The following CLECL1 variants were observed in gnomAD, a reference collection of about 807,000 sequenced individuals.
CLECL1 encodes the protein C-type lectin-like domain family 1.
intron 1 of CLECL1, among the ~76,000 whole-genome samples, chr12:9,729,867 A>C (rs1866425740): frequency 6.6e-6 from 1 of 152,040 alleles, no homozygotes; most frequent in African/African-American, 2.4e-5. Context: ...TGGTTTGAAT[A>C]AATATGAATT....
intron 1 of CLECL1, among the ~76,000 whole-genome samples, chr12:9,730,837 G>A (rs1182945492): frequency 6.6e-6 from 1 of 151,948 alleles, no homozygotes; most frequent in Non-Finnish European, 1.5e-5. Context: ...ATACAGGCAC[G>A]TGTCACCATG....
At chr12:9,727,503 A>G (rs1866393933) in intron 3 of CLECL1, among the ~76,000 whole-genome samples, 2 of 151,764 alleles carry the variant, frequency 1.3e-5, no homozygotes, top group African/African-American at 4.8e-5. Flanking sequence ...ATCGTCAAAG[A>G]AAATCAAGGC....
At chr12:9,729,418 C>A (rs1866418836) in intron 2 of CLECL1, among the ~76,000 whole-genome samples, 1 of 152,036 alleles carries the variant, frequency 6.6e-6, no homozygotes, top group Admixed American at 6.6e-5. Context: ...TATATTTTAT[C>A]ACATGGTGAA....
upstream of CLECL1, among the ~76,000 whole-genome samples, chr12:9,733,605 A>G (rs1866481423): frequency 6.6e-6 from 1 of 152,192 alleles, no homozygotes; most frequent in African/African-American, 2.4e-5. Context: ...TATAATATTA[A>G]CATTAAACTG....
chr12:9,712,643 A>G (rs1213029236), downstream of CLECL1, among the ~76,000 whole-genome samples: 1 of 152,230 alleles, frequency 6.6e-6, no homozygotes, highest in African/African-American at 2.4e-5. Flanking sequence ...GGGAGAAAGC[A>G]TTCAAATCTT....
upstream of CLECL1, chr12:9,733,080 G>A: frequency 1.2e-6 from 2 of 1,612,498 alleles, no homozygotes; most frequent in Non-Finnish European, 1.7e-6. Context: ...CCCACTGAAG[G>A]GACAATCATA....
chr12:9,721,973 T>C (rs926876915), downstream of CLECL1, among the ~76,000 whole-genome samples: 2 of 152,224 alleles, frequency 1.3e-5, no homozygotes, highest in Admixed American at 6.5e-5. Flanking sequence ...GCTGCCCTTT[T>C]CTAAGTTCTT....
chr12:9,733,009 C>T (rs1444256996), exon 1 of CLECL1: 3 of 1,614,126 alleles, frequency 1.9e-6, no homozygotes, highest in East Asian at 2.2e-5. Context: ...TTGATGTCAG[C>T]GTAGACTACA....
chr12:9,729,642 T>G (rs1242896116), exon 2 of CLECL1, among the ~76,000 whole-genome samples: 1 of 152,130 alleles, frequency 6.6e-6, no homozygotes, highest in Non-Finnish European at 1.5e-5. Context: ...TTATTGCACA[T>G]CCAACGTTAA....
chr12:9,703,308 A>T, the CLECL1 span, among the ~76,000 whole-genome samples: 1 of 152,170 alleles, frequency 6.6e-6, no homozygotes, highest in Admixed American at 6.5e-5. Context: ...ATACTACTGG[A>T]GGATATTTGT....
chr12:9,727,965 A>C (rs1424582163), intron 2 of CLECL1, among the ~76,000 whole-genome samples: 1 of 151,846 alleles, frequency 6.6e-6, no homozygotes, highest in African/African-American at 2.4e-5. Context: ...TAAGGACAAA[A>C]TGTCCAGCTC....
the CLECL1 span, among the ~76,000 whole-genome samples, chr12:9,706,524 G>C: frequency 2.0e-5 from 3 of 152,150 alleles, no homozygotes; most frequent in Admixed American, 2.0e-4. Context: ...TTTGATGCCT[G>C]TTCCTTAAAC....
chr12:9,730,068 T>C (rs1866428294), intron 1 of CLECL1, among the ~76,000 whole-genome samples: 1 of 152,200 alleles, frequency 6.6e-6, no homozygotes, highest in African/African-American at 2.4e-5. Context: ...TCCTGTGATA[T>C]AGCATTGTAA....
At chr12:9,703,192 A>T in the CLECL1 span, among the ~76,000 whole-genome samples, 1 of 152,202 alleles carries the variant, frequency 6.6e-6, no homozygotes, top group African/African-American at 2.4e-5. Flanking sequence ...GAGTAAAGTT[A>T]TTGTTCCTTT....
At chr12:9,715,371 G>A (rs750421482), downstream of CLECL1, among the ~76,000 whole-genome samples, 2 of 152,244 alleles carry the variant, frequency 1.3e-5, no homozygotes, top group Admixed American at 6.5e-5. Context: ...CTTAGAGAAC[G>A]ACTAGTTCTT....
At chr12:9,719,593 T>G (rs2121043425), downstream of CLECL1, among the ~76,000 whole-genome samples, 1 of 151,952 alleles carries the variant, frequency 6.6e-6, no homozygotes, top group Middle Eastern at 3.4e-3. Context: ...CATCTCTAAA[T>G]AAATAAATAA....
At chr12:9,715,356 C>T (rs538678822), downstream of CLECL1, among the ~76,000 whole-genome samples, 26 of 152,254 alleles carry the variant, frequency 1.7e-4, no homozygotes, top group Non-Finnish European at 3.1e-4. Flanking sequence ...ACTTTACTTG[C>T]GTCACTTAGA....
intron 3 of CLECL1, among the ~76,000 whole-genome samples, chr12:9,724,184 G>GAAAAAAAAAAAAAAAAAAAAAAAAAAA (rs71045296): frequency 7.7e-6 from 1 of 130,148 alleles, no homozygotes. Flanking sequence ...GCAACTCCAT[G>GAAAAAAAAAAAAAAAAAAAAAAAAAAA]AAAAAAAAAA....
intron 1 of CLECL1, among the ~76,000 whole-genome samples, chr12:9,729,958 A>G (rs1287994329): frequency 6.6e-6 from 1 of 152,140 alleles, no homozygotes; most frequent in Non-Finnish European, 1.5e-5. Flanking sequence ...GTTTTTATAT[A>G]AGACTGTGAA....
Sources: gnomAD v4.1 joint callset for allele counts (sites outside exome capture counted in the v4.1 genomes callset) on GRCh38, gnomAD v4.1.1 for gene constraint, MANE v1.5 for transcripts, NCBI Gene and HGNC (gene_info 2026-07-23, HGNC 2026-07-21) for gene names.